IMMP2L: variants seen among roughly 807,000 people sequenced by gnomAD.
The protein encoded by IMMP2L is inner mitochondrial membrane peptidase subunit 2, also known as mitochondrial inner membrane protease subunit 2.
A neutral mutation model predicts 19.3 loss-of-function variants in IMMP2L; 18 were observed. The observed-to-expected ratio is 0.93, with a 90% confidence interval of 0.64 to 1.38. IMMP2L has a LOEUF of 1.38. Ranked by LOEUF, IMMP2L falls within the 40% of genes most tolerant of loss-of-function variation. The pLI, the probability that IMMP2L is intolerant of heterozygous loss-of-function variation, is 0.00. For missense variants in IMMP2L, 233 were observed against 218.2 expected, an observed-to-expected ratio of 1.07 and a Z score of -0.43; for synonymous variants, 76 against 73.0, an observed-to-expected ratio of 1.04 and a Z score of -0.21.
At chr7:111,497,148 T>C (rs1244255727) in intron 2 of IMMP2L, among the ~76,000 whole-genome samples, 1 of 152,120 alleles carries the variant, frequency 6.6e-6, no homozygotes. Context: ...CCCATCAAAG[T>C]GTCACAGGCA....
chr7:111,158,931 G>A (rs1804945650), intron 3 of IMMP2L, among the ~76,000 whole-genome samples: 1 of 152,046 alleles, frequency 6.6e-6, no homozygotes, highest in African/African-American at 2.4e-5. Flanking sequence ...AAAATTAAAT[G>A]GAGAGTCTTC....
intron 3 of IMMP2L, among the ~76,000 whole-genome samples, chr7:111,226,708 A>C (rs570469846): frequency 6.6e-6 from 1 of 152,268 alleles, no homozygotes; most frequent in African/African-American, 2.4e-5. Context: ...AATAAATTTT[A>C]ACTCTGGCAA....
At chr7:110,745,933 T>C (rs912003998) in intron 5 of IMMP2L, among the ~76,000 whole-genome samples, 3 of 151,982 alleles carry the variant, frequency 2.0e-5, no homozygotes, top group African/African-American at 7.3e-5. Context: ...GGCTAAATGC[T>C]CCAATTAAAA....
intron 5 of IMMP2L, among the ~76,000 whole-genome samples, chr7:110,713,801 C>G (rs1439950472): frequency 6.6e-6 from 1 of 151,996 alleles, no homozygotes; most frequent in Non-Finnish European, 1.5e-5. Context: ...TACTCTGAAA[C>G]TTTATGGAAG....
chr7:111,386,646 A>G (rs576209281), intron 3 of IMMP2L, among the ~76,000 whole-genome samples: 3 of 152,284 alleles, frequency 2.0e-5, no homozygotes, highest in East Asian at 3.9e-4. Context: ...TAAAAGACTC[A>G]TGATAAACTG....
At chr7:111,136,716 G>A (rs536485059) in intron 3 of IMMP2L, among the ~76,000 whole-genome samples, 20 of 152,120 alleles carry the variant, frequency 1.3e-4, no homozygotes, top group Non-Finnish European at 2.1e-4. Flanking sequence ...AGCTGTAAAC[G>A]GACAAAGATA....
chr7:110,971,048 G>A (rs1022433968), intron 3 of IMMP2L, among the ~76,000 whole-genome samples: 1 of 152,120 alleles, frequency 6.6e-6, no homozygotes, highest in African/African-American at 2.4e-5. Context: ...ATATGGCACA[G>A]AGAAGGCAAA....
At chr7:110,776,876 CTA>C (rs1201081750) in intron 5 of IMMP2L, among the ~76,000 whole-genome samples, 1 of 151,888 alleles carries the variant, frequency 6.6e-6, no homozygotes, top group African/African-American at 2.4e-5. Context: ...TGTGTTTATT[CTA>C]TCTTATTGCA....
chr7:111,159,242 A>G (rs943330912), intron 3 of IMMP2L, among the ~76,000 whole-genome samples: 1 of 152,082 alleles, frequency 6.6e-6, no homozygotes, highest in African/African-American at 2.4e-5. Flanking sequence ...CAGGCTCCCA[A>G]GTAGCTGGGA....
intron 3 of IMMP2L, among the ~76,000 whole-genome samples, chr7:111,051,725 T>TTA (rs1793025755): frequency 6.6e-6 from 1 of 152,196 alleles, no homozygotes; most frequent in African/African-American, 2.4e-5. Context: ...GTCAAAGCAT[T>TTA]TATACATTGA....
At chr7:110,954,176 A>C (rs191193618) in intron 4 of IMMP2L, among the ~76,000 whole-genome samples, 75 of 152,174 alleles carry the variant, frequency 4.9e-4, no homozygotes, top group Non-Finnish European at 8.4e-4. Flanking sequence ...TTTTGCAATT[A>C]AGAAGGAGGC....
chr7:110,717,156 C>G (rs537120147), intron 5 of IMMP2L, among the ~76,000 whole-genome samples: 1 of 152,254 alleles, frequency 6.6e-6, no homozygotes, highest in East Asian at 1.9e-4. Context: ...TCAAGAGCAT[C>G]CAAGTAGACT....
At chr7:111,183,518 TC>T (rs1807939721) in intron 3 of IMMP2L, among the ~76,000 whole-genome samples, 1 of 152,110 alleles carries the variant, frequency 6.6e-6, no homozygotes, top group African/African-American at 2.4e-5. Context: ...TTGTATCATT[TC>T]AGATCTTACA....
chr7:111,057,113 T>C (rs570842936), intron 3 of IMMP2L, among the ~76,000 whole-genome samples: 4 of 152,324 alleles, frequency 2.6e-5, no homozygotes, highest in South Asian at 2.1e-4. Flanking sequence ...GACACGACAC[T>C]TTGGTTGCCA....
intron 5 of IMMP2L, among the ~76,000 whole-genome samples, chr7:110,788,599 G>C (rs1256835478): frequency 6.6e-6 from 1 of 151,658 alleles, no homozygotes; most frequent in African/African-American, 2.4e-5. Context: ...CTGTAGCATA[G>C]AACCCTCTTT....
chr7:111,217,124 T>TCACACACACACACACA (rs1281616330), intron 3 of IMMP2L, among the ~76,000 whole-genome samples: 1 of 102,642 alleles, frequency 9.7e-6, no homozygotes, highest in African/African-American at 3.3e-5. Flanking sequence ...TCTCTCTCTC[T>TCACACACACACACACA]CTCACACACA....
At chr7:111,118,023 T>G (rs1423670055) in intron 3 of IMMP2L, among the ~76,000 whole-genome samples, 2 of 152,130 alleles carry the variant, frequency 1.3e-5, no homozygotes, top group Non-Finnish European at 2.9e-5. Context: ...TGATTTTTCA[T>G]AAGTATCACA....
chr7:111,057,471 T>A (rs756787347), intron 3 of IMMP2L, among the ~76,000 whole-genome samples: 4 of 152,280 alleles, frequency 2.6e-5, no homozygotes, highest in South Asian at 2.1e-4. Context: ...AAGAATTTTT[T>A]AAAATAACAT....
intron 3 of IMMP2L, among the ~76,000 whole-genome samples, chr7:111,314,145 G>A (rs1375507386): frequency 6.6e-6 from 1 of 152,012 alleles, no homozygotes; most frequent in Non-Finnish European, 1.5e-5. Flanking sequence ...CTTATAAATT[G>A]CCCAGTTTCA....
Sources: allele counts gnomAD v4.1 joint callset (sites outside exome capture counted in the v4.1 genomes callset), GRCh38; gene constraint gnomAD v4.1.1; transcripts MANE v1.5; gene names NCBI Gene and HGNC (gene_info 2026-07-23, HGNC 2026-07-21).